The following LRMDA variants were observed in gnomAD, a reference collection of about 807,000 sequenced individuals.
The protein encoded by LRMDA is leucine rich melanocyte differentiation associated.
LRMDA carries 18 observed loss-of-function variants against 29.8 expected under a neutral mutation model. That is an observed-to-expected ratio of 0.60 (90% confidence interval 0.42 to 0.90). The LOEUF is 0.90. Ranked by LOEUF, LRMDA falls within the 40% of genes least tolerant of loss-of-function variation. The pLI is 0.00. For synonymous variants in LRMDA, 125 were observed against 109.4 expected (o/e 1.14, Z -0.89); for missense variants, 273 against 273.9 (o/e 1.00, Z 0.02).
At chr10:76,556,986 G>A (rs73276781) in intron 6 of LRMDA, among the ~76,000 whole-genome samples, 15,418 of 152,180 alleles carry the variant, frequency 0.1, 1,766 homozygotes, top group African/African-American at 0.29. Context: ...ATTCCTAGGA[G>A]CCTATACTTG....
intron 6 of LRMDA, among the ~76,000 whole-genome samples, chr10:76,458,758 C>T (rs934814703): frequency 1.3e-5 from 2 of 152,176 alleles, no homozygotes; most frequent in Non-Finnish European, 2.9e-5. Context: ...TGTGACACTT[C>T]TGGCTACAGT....
intron 5 of LRMDA, among the ~76,000 whole-genome samples, chr10:76,093,395 T>C (rs1230558969): frequency 2.0e-5 from 3 of 151,826 alleles, no homozygotes; most frequent in Non-Finnish European, 4.4e-5. Context: ...TCATCAGTCC[T>C]CCCACTGTGA....
At chr10:75,488,119 A>G (rs776491026) in intron 2 of LRMDA, among the ~76,000 whole-genome samples, 3 of 152,086 alleles carry the variant, frequency 2.0e-5, no homozygotes, top group Non-Finnish European at 4.4e-5. Context: ...GAGGCTGAGG[A>G]TGCTAAATGG....
At chr10:76,242,837 G>A (rs1002655318) in intron 5 of LRMDA, among the ~76,000 whole-genome samples, 21 of 152,036 alleles carry the variant, frequency 1.4e-4, no homozygotes, top group Admixed American at 6.6e-5. Context: ...CATATAGAAG[G>A]GTTCCTTGTA....
intron 5 of LRMDA, among the ~76,000 whole-genome samples, chr10:76,274,803 A>G (rs532598340): frequency 1.1e-4 from 16 of 152,276 alleles, no homozygotes; most frequent in Admixed American, 2.6e-4. Context: ...ACACAGGATC[A>G]CTCACTGCTT....
At chr10:76,002,583 T>A (rs1250859290) in intron 2 of LRMDA, among the ~76,000 whole-genome samples, 2 of 152,192 alleles carry the variant, frequency 1.3e-5, no homozygotes, top group African/African-American at 4.8e-5. Context: ...CAGCACCCAG[T>A]AGGTACCTCT....
At chr10:75,472,771 G>A (rs1844741524) in intron 2 of LRMDA, among the ~76,000 whole-genome samples, 1 of 152,174 alleles carries the variant, frequency 6.6e-6, no homozygotes, top group Non-Finnish European at 1.5e-5. Flanking sequence ...GGAGAGGAGG[G>A]GAAACATCTT....
At chr10:76,518,113 A>G (rs1324110533) in intron 6 of LRMDA, among the ~76,000 whole-genome samples, 2 of 151,942 alleles carry the variant, frequency 1.3e-5, no homozygotes, top group Non-Finnish European at 2.9e-5. Context: ...AGATGAAAAA[A>G]TAAATAAACC....
At chr10:76,533,163 G>A (rs1047420981) in intron 6 of LRMDA, among the ~76,000 whole-genome samples, 2 of 152,108 alleles carry the variant, frequency 1.3e-5, no homozygotes, top group African/African-American at 4.8e-5. Context: ...GAGAGAGAGC[G>A]AGAGAGAGAA....
At chr10:75,478,314 G>A (rs1264467290) in intron 2 of LRMDA, among the ~76,000 whole-genome samples, 1 of 152,200 alleles carries the variant, frequency 6.6e-6, no homozygotes, top group East Asian at 1.9e-4. Context: ...CTTGGTTCAG[G>A]CTTGGTGACT....
chr10:75,473,943 C>G (rs1398120781), intron 2 of LRMDA, among the ~76,000 whole-genome samples: 1 of 152,170 alleles, frequency 6.6e-6, no homozygotes, highest in Non-Finnish European at 1.5e-5. Context: ...TATTGAGTAT[C>G]AAGTTTGGTA....
intron 5 of LRMDA, among the ~76,000 whole-genome samples, chr10:76,249,720 T>C (rs1852438865): frequency 6.6e-6 from 1 of 152,356 alleles, no homozygotes; most frequent in African/African-American, 2.4e-5. Flanking sequence ...CATTTCCAGG[T>C]AGATCGACTA....
At chr10:75,623,853 A>G (rs1841217437) in intron 2 of LRMDA, among the ~76,000 whole-genome samples, 1 of 152,240 alleles carries the variant, frequency 6.6e-6, no homozygotes, top group Non-Finnish European at 1.5e-5. Flanking sequence ...TTTTGACAAC[A>G]TAATTTACAT....
At chr10:75,723,377 C>G (rs917038200) in intron 2 of LRMDA, among the ~76,000 whole-genome samples, 1 of 152,214 alleles carries the variant, frequency 6.6e-6, no homozygotes, top group African/African-American at 2.4e-5. Context: ...GGTAACAGAG[C>G]AGAATGTGGG....
chr10:76,067,197 C>G (rs1001670113), intron 5 of LRMDA, among the ~76,000 whole-genome samples: 32 of 152,300 alleles, frequency 2.1e-4, no homozygotes, highest in African/African-American at 5.8e-4. Context: ...GTTCTTACCT[C>G]AAAGCCCCTG....
At chr10:76,395,262 ACT>A (rs994372011) in intron 6 of LRMDA, among the ~76,000 whole-genome samples, 2 of 151,992 alleles carry the variant, frequency 1.3e-5, no homozygotes, top group African/African-American at 4.8e-5. Context: ...TTGCTCAATG[ACT>A]CCACCCCATT....
intron 2 of LRMDA, among the ~76,000 whole-genome samples, chr10:75,885,936 C>T (rs7090208): frequency 0.83 from 126,887 of 152,244 alleles, 53,247 homozygotes; most frequent in African/African-American, 0.94. Context: ...GGTATGTTTG[C>T]TGAATAGATG....
chr10:75,768,890 C>T (rs1031753663), intron 2 of LRMDA, among the ~76,000 whole-genome samples: 2 of 152,156 alleles, frequency 1.3e-5, no homozygotes, highest in Non-Finnish European at 2.9e-5. Context: ...CTAAATATAA[C>T]TGGTCACCTA....
intron 2 of LRMDA, among the ~76,000 whole-genome samples, chr10:76,009,324 C>G (rs1554840382): frequency 6.6e-6 from 1 of 151,908 alleles, no homozygotes; most frequent in African/African-American, 2.4e-5. Context: ...AGCAACCAAA[C>G]AAAAAAACAA....
Sources: gnomAD v4.1 joint callset for allele counts (sites outside exome capture counted in the v4.1 genomes callset) on GRCh38, gnomAD v4.1.1 for gene constraint, MANE v1.5 for transcripts, NCBI Gene and HGNC (gene_info 2026-07-23, HGNC 2026-07-21) for gene names.